The following SLC35F4 variants were observed in gnomAD, a reference collection of about 807,000 sequenced individuals.
SLC35F4 encodes chromosome 14 open reading frame 36.
In SLC35F4, 24 loss-of-function variants were observed where a neutral mutation model predicts 44.2. The observed-to-expected ratio is 0.54, with a 90% CI of 0.39 to 0.76. The LOEUF (loss-of-function observed/expected upper bound fraction) is 0.76, where lower values mean the gene tolerates loss of function less well. SLC35F4 is among the 30% of genes least tolerant of loss of function. The pLI is 0.00. For synonymous variants in SLC35F4, 238 were observed against 223.6 expected (o/e 1.06, Z -0.57); for missense variants, 562 against 586.1 (o/e 0.96, Z 0.42).
chr14:57,742,744 CTCCA>C (rs1405370698), intron 1 of SLC35F4, among the ~76,000 whole-genome samples: 2 of 152,206 alleles, frequency 1.3e-5, no homozygotes, highest in African/African-American at 2.4e-5. Flanking sequence ...CTACAGAACT[CTCCA>C]CCCCAAATCA....
intron 1 of SLC35F4, among the ~76,000 whole-genome samples, chr14:57,969,310 T>G (rs1413239707): frequency 1.3e-5 from 2 of 152,266 alleles, no homozygotes; most frequent in East Asian, 3.8e-4. Flanking sequence ...AACTGCATGT[T>G]TATTTTAGAA....
chr14:57,880,170 A>T (rs1440106503), intron 1 of SLC35F4, among the ~76,000 whole-genome samples: 1 of 152,154 alleles, frequency 6.6e-6, no homozygotes, highest in Non-Finnish European at 1.5e-5. Context: ...CTCATTTTTA[A>T]AATGGGGATA....
At chr14:57,708,681 C>T (rs760946220) in intron 1 of SLC35F4, among the ~76,000 whole-genome samples, 1 of 152,078 alleles carries the variant, frequency 6.6e-6, no homozygotes, top group Admixed American at 6.5e-5. Context: ...AATAAAGACA[C>T]AAGACAAAGA....
intron 1 of SLC35F4, among the ~76,000 whole-genome samples, chr14:57,855,819 GA>G (rs1780806037): frequency 6.6e-6 from 1 of 152,156 alleles, no homozygotes; most frequent in South Asian, 2.1e-4. Flanking sequence ...ACTGGTTTAA[GA>G]AAATGTGGCA....
chr14:57,585,087 T>C (rs1459705131), intron 3 of SLC35F4, among the ~76,000 whole-genome samples: 1 of 152,222 alleles, frequency 6.6e-6, no homozygotes, highest in Non-Finnish European at 1.5e-5. Context: ...TCTCTTTGAA[T>C]TGCTTTTTAA....
intron 1 of SLC35F4, among the ~76,000 whole-genome samples, chr14:57,627,713 G>T (rs554165757): frequency 4.6e-5 from 7 of 151,978 alleles, no homozygotes; most frequent in Non-Finnish European, 8.8e-5. Context: ...ATTCTAACTT[G>T]TTCCCGCATT....
At chr14:57,615,561 T>G (rs2071768226) in intron 1 of SLC35F4, among the ~76,000 whole-genome samples, 1 of 152,122 alleles carries the variant, frequency 6.6e-6, no homozygotes, top group South Asian at 2.1e-4. Flanking sequence ...TTTTAGAACT[T>G]CAGTTCTGCA....
rs551361893 is a variant in SLC35F4 at position 57,980,772 on chromosome 14, TAAATA to T, written n.151+1136_151+1140del. Among the ~76,000 whole-genome samples the T allele has an allele frequency of 2.1e-4, 32 of 152,336 alleles. No individual in the cohort carries two copies. In the South Asian group the frequency reaches 2.3e-3, roughly 11 times the overall value. On this transcript the variant is annotated intron_variant and non_coding_transcript_variant, in intron 1 of 1. Transcript: ENST00000554648. ...TATTTAAATTTAAATCAATTAAAATTAAATAAAATGTTTAATTGAGTTCTATAGAC... is the reference window on the plus strand; with the variant it reads ...TATTTAAATTTAAATCAATTAAAATTAAATGTTTAATTGAGTTCTATAGAC...
At chr14:57,730,088 G>A (rs1092022) in intron 1 of SLC35F4, among the ~76,000 whole-genome samples, 73,973 of 152,026 alleles carry the variant, frequency 0.49, 18,197 homozygotes, top group Non-Finnish European at 0.53. Context: ...GCTGGGGTAC[G>A]GGGAAGGGGT....
rs1298744280 is a variant in SLC35F4 at position 57,847,628 on chromosome 14, A to G, written c.103+18095T>C. On this transcript the variant is annotated intron_variant, in intron 1 of 7. Transcript: ENST00000556826. The stretch of plus-strand genomic sequence containing the variant: ...AGTGTAAATGTTTTATTACAATATA[A>G]CATACATACAGAAAAGTGCATAAAC... 2.0e-5 allele frequency among the ~76,000 whole-genome samples: 3 copies of G among 152,226 alleles called. No homozygotes were observed. In the East Asian group the frequency reaches 5.8e-4, roughly 29 times the overall value.
At chr14:57,720,517 T>C (rs1452500817) in intron 1 of SLC35F4, among the ~76,000 whole-genome samples, 2 of 152,154 alleles carry the variant, frequency 1.3e-5, no homozygotes, top group Non-Finnish European at 2.9e-5. Flanking sequence ...TTACTTGTTA[T>C]TGGTATAAGG....
chr14:57,895,295 T>C (rs187634685), intron 1 of SLC35F4, among the ~76,000 whole-genome samples: 1 of 152,288 alleles, frequency 6.6e-6, no homozygotes, highest in Admixed American at 6.5e-5. Context: ...ATTATTTTAG[T>C]AATGATATTC....
chr14:57,767,682 A>G (rs2077266926), intron 1 of SLC35F4, among the ~76,000 whole-genome samples: 1 of 152,012 alleles, frequency 6.6e-6, no homozygotes, highest in Non-Finnish European at 1.5e-5. Context: ...TAATAGAATA[A>G]ATAAAATTGA....
intron 1 of SLC35F4, among the ~76,000 whole-genome samples, chr14:57,757,591 A>G (rs894762788): frequency 2.0e-5 from 3 of 152,084 alleles, no homozygotes; most frequent in African/African-American, 7.2e-5. Context: ...TCTAAAACTT[A>G]TTATAGTCTA....
At chr14:57,969,192 T>A (rs138583898) in intron 1 of SLC35F4, among the ~76,000 whole-genome samples, 1 of 152,172 alleles carries the variant, frequency 6.6e-6, no homozygotes, top group South Asian at 2.1e-4. Context: ...ATCAAACATA[T>A]CATTCATATT....
chr14:57,655,129 C>T (rs1042294824), intron 1 of SLC35F4, among the ~76,000 whole-genome samples: 3 of 152,092 alleles, frequency 2.0e-5, no homozygotes, highest in African/African-American at 7.2e-5. Context: ...TGAACCACCA[C>T]TCTACTTAGA....
intron 1 of SLC35F4, among the ~76,000 whole-genome samples, chr14:57,704,351 A>G (rs1269232561): frequency 1.3e-5 from 2 of 152,164 alleles, no homozygotes; most frequent in African/African-American, 4.8e-5. Context: ...CTGAACTTCT[A>G]TGGTTTCAGT....
chr14:57,629,999 A>G (rs1183432991), intron 1 of SLC35F4: 18 of 530,350 alleles, frequency 3.4e-5, no homozygotes, highest in South Asian at 1.4e-4. Context: ...CTTGGTCATT[A>G]TGGTCCTATA....
chr14:57,593,055 C>A (rs917497385), intron 2 of SLC35F4, among the ~76,000 whole-genome samples: 1 of 152,136 alleles, frequency 6.6e-6, no homozygotes, highest in South Asian at 2.1e-4. Context: ...GGTAGAAAGA[C>A]AATCATACCA....
Sources: gnomAD v4.1 joint callset for allele counts (sites outside exome capture counted in the v4.1 genomes callset) on GRCh38, gnomAD v4.1.1 for gene constraint, MANE v1.5 for transcripts, NCBI Gene and HGNC (gene_info 2026-07-23, HGNC 2026-07-21) for gene names.